The following ELF1 variants were observed in gnomAD, a reference collection of about 807,000 sequenced individuals.
The protein encoded by ELF1 is ETS-related transcription factor Elf-1.
A neutral mutation model predicts 59.9 loss-of-function variants in ELF1; 24 were observed. That is an observed-to-expected ratio of 0.40 (90% confidence interval 0.29 to 0.56). The LOEUF (loss-of-function observed/expected upper bound fraction) is 0.56, where lower values mean the gene tolerates loss of function less well. Among genes scored for constraint, ELF1 ranks in the 20% least tolerant of loss-of-function variants. ELF1 has a pLI of 0.44. For synonymous variants in ELF1, 248 were observed against 266.2 expected (o/e 0.93, Z 0.67); for missense variants, 627 against 742.2 (o/e 0.84, Z 1.80).
chr13:41,015,165 T>C (rs1175274101), intron 1 of ELF1, among the ~76,000 whole-genome samples: 3 of 151,744 alleles, frequency 2.0e-5, no homozygotes, highest in Non-Finnish European at 2.9e-5. Context: ...GAAGCAACAA[T>C]TGGAACCAAA....
At chr13:41,040,633 A>G (rs1467731770) in intron 1 of ELF1, among the ~76,000 whole-genome samples, 1 of 152,078 alleles carries the variant, frequency 6.6e-6, no homozygotes, top group East Asian at 1.9e-4. Context: ...ACAGTTCACA[A>G]TACGGTTCAT....
At chr13:41,029,388 T>C (rs1213900557) in intron 1 of ELF1, among the ~76,000 whole-genome samples, 1 of 152,146 alleles carries the variant, frequency 6.6e-6, no homozygotes, top group African/African-American at 2.4e-5. Flanking sequence ...CCAGAGAGAC[T>C]GGCATTTCTT....
chr13:41,036,384 C>T (rs1319433328), intron 1 of ELF1, among the ~76,000 whole-genome samples: 4 of 152,118 alleles, frequency 2.6e-5, no homozygotes, highest in Non-Finnish European at 2.9e-5. Context: ...ACAAATGAAA[C>T]GTTTTGGCTA....
Position 40,933,966 on chromosome 13 carries a change from G to C in ELF1, c.1319C>G (p.Thr440Arg). 6.2e-7 allele frequency: 1 copy of C among 1,614,248 alleles called. No individual in the cohort carries two copies. Among genetic ancestry groups the C allele is most frequent in the East Asian group, 2.2e-5 (1 of 44,894 alleles). ...GAGTGGCACTGTTTGGAGTGTTACTGTATGCAACTGCTGATTCCTAGGAGA... is the reference window on the plus strand; with the variant it reads ...GAGTGGCACTGTTTGGAGTGTTACTCTATGCAACTGCTGATTCCTAGGAGA... The part of the protein sequence containing the change: ...VVSPRNQQLH[T>R]VTLQTVPLTT... The change falls in exon 9 of 9, where the codon ACA becomes AGA. Residue 440 changes from threonine (T) to arginine (R), a missense_variant. Transcript: ENST00000239882.
At chr13:40,979,529 T>G (rs1477766029) in intron 2 of ELF1, among the ~76,000 whole-genome samples, 1 of 152,180 alleles carries the variant, frequency 6.6e-6, no homozygotes, top group Non-Finnish European at 1.5e-5. Flanking sequence ...CAAACAAGGA[T>G]GTTCACTGCA....
intron 1 of ELF1, among the ~76,000 whole-genome samples, 195 bp from the exon 2 acceptor site, chr13:40,982,477 C>A (rs570298651): frequency 2.6e-5 from 4 of 151,074 alleles, no homozygotes; most frequent in Non-Finnish European, 5.9e-5. Flanking sequence ...CTGCTAAGAT[C>A]ATCTGTCACT....
rs569683734 is a variant in ELF1 at position 40,951,420 on chromosome 13, A to G, written c.270T>C (p.His90=). The change falls in exon 4 of 9, where the codon CAT becomes CAC. Residue 90 remains histidine (H), a synonymous_variant. Transcript: ENST00000239882. Reference sequence around the variant, plus strand: ...TAGTTTCAATTGTTTCATCCCCGTCATGACAAGAAGCTTCAACTGCAACAC... The same window carrying G: ...TAGTTTCAATTGTTTCATCCCCGTCGTGACAAGAAGCTTCAACTGCAACAC... ...DITLTVEASC[H]DGDETIETIE... The G allele has an allele frequency of 1.9e-6, 3 of 1,613,872 alleles. No homozygotes were observed. The African/African-American group carries it at 4.0e-5, about 22-fold the overall frequency.
chr13:41,007,340 C>T (rs766340496), intron 1 of ELF1, among the ~76,000 whole-genome samples: 5 of 151,968 alleles, frequency 3.3e-5, no homozygotes, highest in African/African-American at 4.8e-5. Context: ...AAGAACACAA[C>T]GGGAAAATGT....
In ELF1 at chr13:40,987,846, T is replaced by G. The variant is rs546983492; in HGVS notation, c.-228-5564A>C. Among the ~76,000 whole-genome samples, 3 of 152,236 alleles carry G rather than the reference T, an allele frequency of 2.0e-5. No homozygotes were observed. The South Asian group carries it at 6.2e-4, about 32-fold the overall frequency. Reference sequence around the variant, plus strand: ...ACCAAGTAACTGAACAGAAAGAACTTTCACAAGATGTGGTAACCTAATAAA... The same window carrying G: ...ACCAAGTAACTGAACAGAAAGAACTGTCACAAGATGTGGTAACCTAATAAA... On this transcript the variant is annotated intron_variant, in intron 1 of 8. Transcript: ENST00000239882.
At chr13:41,045,153 T>C (rs1254939771) in intron 1 of ELF1, among the ~76,000 whole-genome samples, 1 of 152,126 alleles carries the variant, frequency 6.6e-6, no homozygotes, top group Non-Finnish European at 1.5e-5. Context: ...CCCTTTATCA[T>C]TTTTTATTGC....
At chr13:40,995,655 T>A (rs1874091161) in intron 1 of ELF1, among the ~76,000 whole-genome samples, 1 of 139,916 alleles carries the variant, frequency 7.1e-6, no homozygotes, top group African/African-American at 2.7e-5. Flanking sequence ...AAACTGGATA[T>A]CCACATTAAA....
chr13:40,992,200 A>G (rs1350737176), intron 1 of ELF1, among the ~76,000 whole-genome samples: 4 of 152,266 alleles, frequency 2.6e-5, no homozygotes, highest in Non-Finnish European at 5.9e-5. Context: ...CAGAGAAGAT[A>G]AACGATTTGC....
chr13:41,012,927 T>C (rs1013558466), intron 1 of ELF1, among the ~76,000 whole-genome samples: 1 of 152,310 alleles, frequency 6.6e-6, no homozygotes, highest in South Asian at 2.1e-4. Flanking sequence ...TATATCAAGA[T>C]AGTAGGATTG....
At chr13:41,051,036 T>C (rs938635293) in intron 1 of ELF1, among the ~76,000 whole-genome samples, 4 of 152,224 alleles carry the variant, frequency 2.6e-5, no homozygotes, top group Non-Finnish European at 5.9e-5. Context: ...GTGACTGCTT[T>C]CATATAAACT....
chr13:41,017,016 G>T (rs1386464809), intron 1 of ELF1, among the ~76,000 whole-genome samples: 1 of 110,458 alleles, frequency 9.1e-6, no homozygotes, highest in African/African-American at 3.5e-5. Flanking sequence ...AACTGTCTTT[G>T]TATCTAGAAG....
rs1345732710 is a variant in ELF1 at position 40,941,051 on chromosome 13, A to G, written c.1126T>C (p.Ser376Pro). Residue 376 changes from serine to proline, a missense_variant, in exon 8 of 9, where the codon TCT becomes CCT. Transcript: ENST00000239882. Reference sequence around the variant, plus strand: ...CGGAAGAGCTGGGTAGGATATGGAGACTGCGTGGGCTGCACTGTCCTCAAA... The same window carrying G: ...CGGAAGAGCTGGGTAGGATATGGAGGCTGCGTGGGCTGCACTGTCCTCAAA... The part of the protein sequence containing the change: ...EVLRTVQPTQ[S>P]PYPTQLFRTV... The G allele has an allele frequency of 1.2e-6, 2 of 1,614,002 alleles. No homozygotes were observed. Among genetic ancestry groups the G allele is most frequent in the Non-Finnish European group, 1.7e-6 (2 of 1,180,026 alleles).
At chr13:41,017,532 A>AG (rs1875477287) in intron 1 of ELF1, among the ~76,000 whole-genome samples, 1 of 152,170 alleles carries the variant, frequency 6.6e-6, no homozygotes, top group African/African-American at 2.4e-5. Flanking sequence ...AAACGTGGAG[A>AG]GGGAAATACT....
chr13:40,947,357 C>T (rs1237632163), intron 5 of ELF1, among the ~76,000 whole-genome samples: 8 of 152,320 alleles, frequency 5.3e-5, no homozygotes, highest in African/African-American at 1.9e-4. Context: ...GCCTGGCCAA[C>T]ATGGTGAAAC....
At chr13:40,937,708 A>T (rs557220248) in intron 8 of ELF1, among the ~76,000 whole-genome samples, 4 of 152,232 alleles carry the variant, frequency 2.6e-5, no homozygotes, top group Non-Finnish European at 5.9e-5. Context: ...TGACCTCGTG[A>T]TTCACCCGCC....
Sources: gnomAD v4.1 joint callset for allele counts (sites outside exome capture counted in the v4.1 genomes callset) on GRCh38, gnomAD v4.1.1 for gene constraint, MANE v1.5 for transcripts, NCBI Gene and HGNC (gene_info 2026-07-23, HGNC 2026-07-21) for gene names.